The following NUDT6 variants were observed in gnomAD, a reference collection of about 807,000 sequenced individuals.
NUDT6 encodes the protein nudix hydrolase 6.
In NUDT6, 24 loss-of-function variants were observed where a neutral mutation model predicts 36.8. That is an observed-to-expected ratio of 0.65 (90% confidence interval 0.47 to 0.92). The LOEUF (loss-of-function observed/expected upper bound fraction) is 0.92, where lower values mean the gene tolerates loss of function less well. Among genes scored for constraint, NUDT6 ranks in the 40% least tolerant of loss-of-function variants. NUDT6 has a pLI of 0.00. For missense variants in NUDT6, 388 were observed against 392.8 expected (o/e 0.99, Z 0.10); for synonymous variants, 163 against 157.0 (o/e 1.04, Z -0.29).
chr4:122,898,554 C>T (rs992267543), intron 3 of NUDT6, among the ~76,000 whole-genome samples: 1 of 152,156 alleles, frequency 6.6e-6, no homozygotes, highest in Non-Finnish European at 1.5e-5. Flanking sequence ...CTTTGTGACA[C>T]ACTCATTTCC....
chr4:122,912,890 C>T (rs1350353069), intron 2 of NUDT6, among the ~76,000 whole-genome samples: 1 of 152,120 alleles, frequency 6.6e-6, no homozygotes, highest in Non-Finnish European at 1.5e-5. Flanking sequence ...TCATATACAC[C>T]TTATACTCAT....
At chr4:122,915,289 G>A (rs57419404) in intron 2 of NUDT6, among the ~76,000 whole-genome samples, 6,751 of 151,814 alleles carry the variant, frequency 0.044, 489 homozygotes, top group African/African-American at 0.15. Context: ...GGGCAACATG[G>A]CGAAACCCTA....
intron 2 of NUDT6, among the ~76,000 whole-genome samples, chr4:122,915,542 C>T (rs61375825): frequency 0.043 from 6,525 of 150,988 alleles, 472 homozygotes; most frequent in African/African-American, 0.15. Context: ...TTACCTCGTC[C>T]ACACCCCCAA....
chr4:122,905,187 A>G (rs935837396), intron 3 of NUDT6, among the ~76,000 whole-genome samples: 1 of 152,184 alleles, frequency 6.6e-6, no homozygotes, highest in African/African-American at 2.4e-5. Context: ...AGAATCTTCT[A>G]GTTAGGCAGA....
At chr4:122,915,476 A>AC (rs1560773790) in intron 2 of NUDT6, among the ~76,000 whole-genome samples, 1 of 71,906 alleles carries the variant, frequency 1.4e-5, no homozygotes, top group East Asian at 7.1e-4. Flanking sequence ...CCTCAAAAAA[A>AC]AAAAAAAAAA....
At chr4:122,905,833 T>G (rs1408609729) in intron 3 of NUDT6, among the ~76,000 whole-genome samples, 6 of 152,184 alleles carry the variant, frequency 3.9e-5, no homozygotes, top group Non-Finnish European at 5.9e-5. Context: ...ATCTGATTCC[T>G]TGTGCACTGA....
At chr4:122,904,237 T>C (rs968727045) in intron 3 of NUDT6, among the ~76,000 whole-genome samples, 4 of 152,184 alleles carry the variant, frequency 2.6e-5, no homozygotes, top group Non-Finnish European at 5.9e-5. Flanking sequence ...GAAGCTACTA[T>C]GCCTGCATGT....
chr4:122,893,367 G>A (rs776751365), intron 4 of NUDT6, 142 bp from the exon 5 acceptor site: 148 of 725,212 alleles, frequency 2.0e-4, no homozygotes, highest in Non-Finnish European at 2.6e-4. Flanking sequence ...CAAATTCTTT[G>A]CCTTGTGGAT....
At chr4:122,916,629 A>G (rs569264340) in intron 2 of NUDT6, among the ~76,000 whole-genome samples, 2 of 152,336 alleles carry the variant, frequency 1.3e-5, no homozygotes, top group African/African-American at 2.4e-5. Flanking sequence ...ACTAAACACT[A>G]AAGTTGTTCT....
At chr4:122,909,984 G>A (rs74525029) in intron 3 of NUDT6, among the ~76,000 whole-genome samples, 6,255 of 152,220 alleles carry the variant, frequency 0.041, 412 homozygotes, top group African/African-American at 0.14. Context: ...TTCTGACTAT[G>A]TTGAAAAACA....
intron 3 of NUDT6, among the ~76,000 whole-genome samples, chr4:122,903,327 C>A (rs545740194): frequency 1.3e-5 from 2 of 152,108 alleles, no homozygotes; most frequent in Admixed American, 1.3e-4. Context: ...GTGAACATGA[C>A]TAGATTCTGA....
Position 122,892,653 on chromosome 4 carries a change from C to A in NUDT6, c.*175G>T, listed in dbSNP as rs747377047. ...TTACCTAGAGCAATGATCTTTTTCA[C>A]GCATTTGCTTTATTCGAAAAGAGGC... On this transcript the variant is annotated 3_prime_UTR_variant, in exon 5 of 5. Coordinates refer to ENST00000304430, the MANE Select transcript of NUDT6 (RefSeq NM_007083.5). The A allele has an allele frequency of 4.3e-6, 6 of 1,400,518 alleles. No homozygotes were observed. In the Admixed American group the frequency reaches 1.8e-4, roughly 42 times the overall value. 86.8% of individuals were successfully genotyped at this position (1,400,518 alleles called of 1,614,324 possible).
chr4:122,919,595 A>T (rs1727925395), intron 1 of NUDT6: 1 of 152,098 alleles, frequency 6.6e-6, no homozygotes, highest in African/African-American at 2.4e-5. Context: ...CCTTAGAATC[A>T]TTTTTAAATT....
At chr4:122,907,686 T>C (rs1234013717) in intron 3 of NUDT6, among the ~76,000 whole-genome samples, 1 of 152,110 alleles carries the variant, frequency 6.6e-6, no homozygotes, top group Admixed American at 6.5e-5. Flanking sequence ...CCTGACCTCG[T>C]GATCTGCCCG....
At chr4:122,921,675 G>T (rs945593228) in intron 1 of NUDT6, 1 of 150,894 alleles carries the variant, frequency 6.6e-6, no homozygotes, top group Admixed American at 6.6e-5. Flanking sequence ...AATGCTTGTG[G>T]TGATGAGTAT....
In NUDT6 at chr4:122,897,693, C is replaced by G; in HGVS notation, c.499-15G>C. On this transcript the variant is annotated splice_polypyrimidine_tract_variant and intron_variant, in intron 3 of 4. Transcript: ENST00000304430. ...ATATTTTTCAACTGCAGTATAAAGT[C>G]AGAAAATAAAGTTAACATAACTTTC... 1.9e-6 allele frequency: 3 copies of G among 1,581,000 alleles called. No individual in the cohort carries two copies. The highest frequency in any genetic ancestry group is 2.6e-6 in the Non-Finnish European group (3 of 1,149,978).
intron 4 of NUDT6, chr4:122,896,838 AG>A (rs1727372540): frequency 2.0e-5 from 3 of 152,196 alleles, no homozygotes. Context: ...TAAATAGAAT[AG>A]GGGACATGCA....
At chr4:122,914,777 T>C (rs1304804695) in intron 2 of NUDT6, among the ~76,000 whole-genome samples, 3 of 152,134 alleles carry the variant, frequency 2.0e-5, no homozygotes, top group African/African-American at 7.2e-5. Flanking sequence ...ATATTGAATA[T>C]CTACTTTATG....
intron 3 of NUDT6, among the ~76,000 whole-genome samples, chr4:122,910,732 A>G (rs1372873162): frequency 2.6e-5 from 4 of 152,182 alleles, no homozygotes; most frequent in Non-Finnish European, 5.9e-5. Flanking sequence ...AAGTATTACA[A>G]TATTTTGTTT....
Sources: gnomAD v4.1 joint callset for allele counts (sites outside exome capture counted in the v4.1 genomes callset) on GRCh38, gnomAD v4.1.1 for gene constraint, MANE v1.5 for transcripts, NCBI Gene and HGNC (gene_info 2026-07-23, HGNC 2026-07-21) for gene names.